Variants in HDAC9 observed in about 807,000 individuals in gnomAD.
HDAC9 encodes histone deacetylase 9, also known as MEF-2 interacting transcription repressor (MITR) protein.
A neutral mutation model predicts 139.4 loss-of-function variants in HDAC9; 41 were observed. The ratio of observed to expected loss-of-function variants is 0.29; its 90% CI spans 0.23 to 0.38. The LOEUF is 0.38. HDAC9 is among the 10% of genes least tolerant of loss of function. The probability of loss-of-function intolerance (pLI) is 1.00; values close to 1 mark genes in which losing one functional copy is unlikely to be tolerated. For missense variants in HDAC9, 1,147 were observed against 1,297.0 expected (o/e 0.88, Z 1.78); for synonymous variants, 517 against 476.2 (o/e 1.09, Z -1.12).
At chr7:18,990,042 C>G (rs1785740706) in intron 25 of HDAC9, among the ~76,000 whole-genome samples, 1 of 152,142 alleles carries the variant, frequency 6.6e-6, no homozygotes. Context: ...CTGAAGCCTT[C>G]TTCTCTCAGC....
At chr7:18,123,275 A>G (rs1411943670) in intron 1 of HDAC9, among the ~76,000 whole-genome samples, 1 of 152,068 alleles carries the variant, frequency 6.6e-6, no homozygotes, top group East Asian at 1.9e-4. Flanking sequence ...AAAAGCCAGA[A>G]CTCCAAATGT....
chr7:18,958,709 T>G (rs1031808926), intron 24 of HDAC9, among the ~76,000 whole-genome samples: 2 of 152,138 alleles, frequency 1.3e-5, no homozygotes, highest in African/African-American at 4.8e-5. Flanking sequence ...TCTGTCAATG[T>G]TTGCCACATT....
chr7:18,376,030 C>T (rs1053815356), intron 1 of HDAC9, among the ~76,000 whole-genome samples: 7 of 152,012 alleles, frequency 4.6e-5, no homozygotes, highest in Non-Finnish European at 7.4e-5. Context: ...TGAGTGTTAT[C>T]GTTTAGTTAG....
At chr7:18,556,265 C>T (rs113757223) in intron 2 of HDAC9, among the ~76,000 whole-genome samples, 26 of 152,032 alleles carry the variant, frequency 1.7e-4, no homozygotes, top group Middle Eastern at 3.4e-3. Context: ...TTCTTATAGA[C>T]AAAAACAGTT....
chr7:18,151,814 T>C (rs1367909243), intron 1 of HDAC9: 1 of 152,198 alleles, frequency 6.6e-6, no homozygotes, highest in Non-Finnish European at 1.5e-5. Context: ...AGTGGAAATG[T>C]TTTATGATAT....
At chr7:18,586,016 A>G (rs565255018) in intron 3 of HDAC9, among the ~76,000 whole-genome samples, 2 of 152,328 alleles carry the variant, frequency 1.3e-5, no homozygotes, top group Non-Finnish European at 2.9e-5. Context: ...AGATCTCATA[A>G]TGTACACATT....
At position 18,727,578 on chromosome 7, in the gene HDAC9, A is replaced by G; in HGVS notation, c.1732-2A>G. The G allele has an allele frequency of 6.3e-7, 1 of 1,589,922 alleles. No individual in the cohort carries two copies. Among genetic ancestry groups the G allele is most frequent in the South Asian group, 1.2e-5 (1 of 86,714 alleles). ...TCTACTGTGCTCTTTTCTTGGCAAC[A>G]GCCTTTCCTGGAACCCACGCACACA... is the stretch of plus-strand genomic sequence containing the variant. On this transcript the variant is annotated splice_acceptor_variant, in intron 12 of 25. Transcript: ENST00000686413. LOFTEE classifies it high-confidence loss of function.
At chr7:18,227,704 C>G (rs943340643) in intron 2 of HDAC9, among the ~76,000 whole-genome samples, 5 of 152,156 alleles carry the variant, frequency 3.3e-5, no homozygotes, top group Non-Finnish European at 7.3e-5. Context: ...ATGTAGCCTG[C>G]TGCCTGCTGT....
At chr7:18,938,908 A>G (rs1341942329) in intron 23 of HDAC9, among the ~76,000 whole-genome samples, 1 of 152,224 alleles carries the variant, frequency 6.6e-6, no homozygotes, top group East Asian at 1.9e-4. Context: ...CCTTTTCTCT[A>G]TATGTTTAGA....
At chr7:18,348,097 G>C (rs545623889) in intron 1 of HDAC9, among the ~76,000 whole-genome samples, 1 of 152,226 alleles carries the variant, frequency 6.6e-6, no homozygotes, top group East Asian at 1.9e-4. Context: ...TGAATTGCTG[G>C]TTTAAAATAT....
intron 1 of HDAC9, among the ~76,000 whole-genome samples, chr7:18,402,708 G>GT (rs1787659837): frequency 6.6e-6 from 1 of 152,132 alleles, no homozygotes; most frequent in South Asian, 2.1e-4. Flanking sequence ...TGAGAGACTG[G>GT]TTCATATGTG....
chr7:18,651,250 T>TC (rs1171838706), intron 11 of HDAC9, among the ~76,000 whole-genome samples: 1 of 152,188 alleles, frequency 6.6e-6, no homozygotes, highest in African/African-American at 2.4e-5. Flanking sequence ...TTATCATTTT[T>TC]CCCCATTTCC....
At chr7:18,223,649 T>A (rs940330681) in intron 2 of HDAC9, among the ~76,000 whole-genome samples, 1 of 152,146 alleles carries the variant, frequency 6.6e-6, no homozygotes, top group African/African-American at 2.4e-5. Flanking sequence ...TTTTTTTAAT[T>A]GTTAAATATT....
At chr7:18,261,124 GA>G (rs1305816234) in intron 2 of HDAC9, among the ~76,000 whole-genome samples, 1 of 149,262 alleles carries the variant, frequency 6.7e-6, no homozygotes, top group Non-Finnish European at 1.5e-5. Flanking sequence ...GCAACATAAC[GA>G]AACCATGTCT....
At chr7:18,205,626 TA>T (rs1791449289) in intron 2 of HDAC9, among the ~76,000 whole-genome samples, 1 of 152,132 alleles carries the variant, frequency 6.6e-6, no homozygotes, top group South Asian at 2.1e-4. Flanking sequence ...ATTGCTAATT[TA>T]TTATATCTAC....
chr7:18,393,075 A>G (rs181506677), intron 1 of HDAC9, among the ~76,000 whole-genome samples: 1 of 152,032 alleles, frequency 6.6e-6, no homozygotes, highest in Non-Finnish European at 1.5e-5. Flanking sequence ...TTAAAATCTT[A>G]AGTAAATACA....
rs1411361941 is a variant in HDAC9 at position 18,428,157 on chromosome 7, A to G, written c.-41-68105A>G. 1.3e-4 allele frequency among the ~76,000 whole-genome samples: 20 copies of G among 152,012 alleles called. No individual in the cohort carries two copies. In the East Asian group the frequency reaches 1.9e-3, roughly 15 times the overall value. On this transcript the variant is annotated intron_variant, in intron 1 of 3. Transcript: ENST00000413509. ...CTGTCAGTGTACATTTATATTTTCA[A>G]TTTTTTTATAAATACTCTAAGTGGG...
chr7:18,502,383 G>C (rs1409111303), intron 2 of HDAC9: 1 of 152,138 alleles, frequency 6.6e-6, no homozygotes, highest in Non-Finnish European at 1.5e-5. Flanking sequence ...AGCTGGGAAG[G>C]CAGGATACCT....
At chr7:18,460,503 G>T (rs1793742359) in intron 1 of HDAC9, among the ~76,000 whole-genome samples, 1 of 151,828 alleles carries the variant, frequency 6.6e-6, no homozygotes, top group African/African-American at 2.4e-5. Context: ...ATTATCCTGG[G>T]GCCAGGTGCA....
Sources: gnomAD v4.1 joint callset for allele counts (sites outside exome capture counted in the v4.1 genomes callset) on GRCh38, gnomAD v4.1.1 for gene constraint, MANE v1.5 for transcripts, NCBI Gene and HGNC (gene_info 2026-07-23, HGNC 2026-07-21) for gene names.